The following WWOX variants were observed in gnomAD, a reference collection of about 807,000 sequenced individuals.
WWOX encodes WW domain containing oxidoreductase.
WWOX carries 69 observed loss-of-function variants against 46.2 expected under a neutral mutation model. The ratio of observed to expected loss-of-function variants is 1.49; its 90% CI spans 1.23 to 1.82. WWOX has a LOEUF of 1.82. Ranked by LOEUF, WWOX falls within the 40% of genes most tolerant of loss-of-function variation. The pLI is 0.00. For synonymous variants in WWOX, 359 were observed against 202.6 expected, an observed-to-expected ratio of 1.77 and a Z score of -6.56; for missense variants, 919 against 542.6, an observed-to-expected ratio of 1.69 and a Z score of -6.89.
chr16:78,711,965 G>A (rs1026821272), intron 8 of WWOX, among the ~76,000 whole-genome samples: 2 of 152,116 alleles, frequency 1.3e-5, no homozygotes, highest in Non-Finnish European at 2.9e-5. Context: ...CTTCCCTCTT[G>A]GACATTAAAT....
chr16:78,962,779 C>G (rs1005898488), intron 8 of WWOX, among the ~76,000 whole-genome samples: 3 of 152,174 alleles, frequency 2.0e-5, no homozygotes, highest in African/African-American at 7.2e-5. Flanking sequence ...CCTCAGAAGG[C>G]TCATCTGTTC....
At position 78,422,832 on chromosome 16, in the gene WWOX, TATATATACATATACACACACAC is replaced by T. The variant is rs2082977375; in HGVS notation, c.606-2036_606-2015del. ...ACACATATATATACACACACATATA[TATATATACATATACACACACAC>T]ACACACACACACACACACACACACA... On this transcript the variant is annotated intron_variant, in intron 6 of 8. Transcript: ENST00000566780. Among the ~76,000 whole-genome samples the T allele has an allele frequency of 1.3e-4, 14 of 110,178 alleles. No individual in the cohort carries two copies. In the East Asian group the frequency reaches 2.3e-3, roughly 18 times the overall value. The allele number at this position is 110,178 out of a possible 152,430, so 72.3% of individuals were successfully genotyped here.
chr16:79,191,134 G>T (rs948844398), intron 8 of WWOX, among the ~76,000 whole-genome samples: 1 of 152,056 alleles, frequency 6.6e-6, no homozygotes, highest in African/African-American at 2.4e-5. Context: ...GCTCAGTGCA[G>T]CCTCCGCCTC....
At chr16:78,854,500 A>G (rs192950012) in intron 8 of WWOX, among the ~76,000 whole-genome samples, 54 of 152,326 alleles carry the variant, frequency 3.5e-4, no homozygotes, top group Admixed American at 5.2e-4. Context: ...CTGCCTATGC[A>G]TCCCTCAAAT....
chr16:78,956,472 A>G (rs1056983050), intron 8 of WWOX, among the ~76,000 whole-genome samples: 4 of 152,084 alleles, frequency 2.6e-5, no homozygotes, highest in African/African-American at 9.7e-5. Flanking sequence ...GTTTTAATTG[A>G]TTAATCTACA....
intron 8 of WWOX, among the ~76,000 whole-genome samples, chr16:78,501,112 G>C (rs1379859790): frequency 6.7e-6 from 1 of 150,004 alleles, no homozygotes; most frequent in Non-Finnish European, 1.5e-5. Context: ...CCAGGTCTCA[G>C]TTAATGCCCA....
chr16:78,882,464 A>G (rs1452024169), intron 8 of WWOX, among the ~76,000 whole-genome samples: 1 of 146,438 alleles, frequency 6.8e-6, no homozygotes, highest in African/African-American at 2.6e-5. Context: ...TTCTGTTAAC[A>G]CACCATACAT....
intron 8 of WWOX, among the ~76,000 whole-genome samples, chr16:79,168,548 C>T (rs572062096): frequency 3.5e-4 from 54 of 152,304 alleles, no homozygotes; most frequent in African/African-American, 1.3e-3. Context: ...CTGCCCACAC[C>T]TCTGAAGCTC....
At chr16:78,853,009 T>C (rs1470268748) in intron 8 of WWOX, among the ~76,000 whole-genome samples, 2 of 152,174 alleles carry the variant, frequency 1.3e-5, no homozygotes, top group Non-Finnish European at 2.9e-5. Flanking sequence ...TTGCCCGGGG[T>C]CATACAGATA....
At chr16:78,576,090 A>T (rs2151580956) in intron 8 of WWOX, among the ~76,000 whole-genome samples, 1 of 152,282 alleles carries the variant, frequency 6.6e-6, no homozygotes, top group East Asian at 1.9e-4. Context: ...TGAATTGGGA[A>T]TGTTGTCTGA....
intron 4 of WWOX, among the ~76,000 whole-genome samples, chr16:78,157,106 G>T (rs1597282212): frequency 6.6e-6 from 1 of 151,952 alleles, no homozygotes; most frequent in African/African-American, 2.4e-5. Flanking sequence ...ATGAAACTGT[G>T]AAGAAAGATA....
chr16:79,132,745 A>G (rs1567572211), intron 8 of WWOX, among the ~76,000 whole-genome samples: 1 of 152,202 alleles, frequency 6.6e-6, no homozygotes, highest in Non-Finnish European at 1.5e-5. Context: ...AGCACACTCA[A>G]GCCTCTTTAA....
At chr16:79,140,846 TCAAA>T (rs1248313294) in intron 8 of WWOX, among the ~76,000 whole-genome samples, 19 of 152,322 alleles carry the variant, frequency 1.2e-4, no homozygotes, top group East Asian at 3.9e-4. Context: ...TTCTTGTCAC[TCAAA>T]CAGTTTCCGT....
chr16:78,955,224 G>T (rs899537116), intron 8 of WWOX, among the ~76,000 whole-genome samples: 2 of 152,146 alleles, frequency 1.3e-5, no homozygotes, highest in African/African-American at 4.8e-5. Flanking sequence ...CTGCAATGTG[G>T]GTGCTCAAAT....
chr16:78,700,432 A>G (rs2048189396), intron 8 of WWOX, among the ~76,000 whole-genome samples: 1 of 151,260 alleles, frequency 6.6e-6, no homozygotes, highest in Admixed American at 6.6e-5. Flanking sequence ...GAGAGGCCCT[A>G]CCTCCAAACA....
At chr16:79,015,151 A>G (rs2047387513) in intron 8 of WWOX, among the ~76,000 whole-genome samples, 1 of 152,160 alleles carries the variant, frequency 6.6e-6, no homozygotes, top group Non-Finnish European at 1.5e-5. Flanking sequence ...GGGTTGGAGT[A>G]CTTCTCCTGA....
intron 8 of WWOX, among the ~76,000 whole-genome samples, chr16:78,718,534 T>C (rs560266164): frequency 3.3e-5 from 5 of 152,116 alleles, no homozygotes; most frequent in Non-Finnish European, 5.9e-5. Context: ...CAGAAAAATT[T>C]ATCTTTTAGA....
At chr16:78,930,284 T>G (rs950961469) in intron 8 of WWOX, among the ~76,000 whole-genome samples, 2 of 119,820 alleles carry the variant, frequency 1.7e-5, no homozygotes, top group Non-Finnish European at 3.6e-5. Flanking sequence ...TCTTTCTTTT[T>G]TTATTTTTTT....
chr16:78,782,037 T>G (rs1597600220), intron 8 of WWOX, among the ~76,000 whole-genome samples: 1 of 152,186 alleles, frequency 6.6e-6, no homozygotes, highest in East Asian at 1.9e-4. Context: ...CAGATTTTGG[T>G]GAACTCTCTG....
Sources: gnomAD v4.1 joint callset for allele counts (sites outside exome capture counted in the v4.1 genomes callset) on GRCh38, gnomAD v4.1.1 for gene constraint, MANE v1.5 for transcripts, NCBI Gene and HGNC (gene_info 2026-07-23, HGNC 2026-07-21) for gene names.